Variants in HSD17B12 observed in about 807,000 individuals in gnomAD.
HSD17B12 encodes the protein very-long-chain 3-oxoacyl-CoA reductase.
HSD17B12 carries 32 observed loss-of-function variants against 39.3 expected under a neutral mutation model. That is an observed-to-expected ratio of 0.81 (90% CI 0.61 to 1.09). The LOEUF is 1.09. Ranked by LOEUF, HSD17B12 falls within the 50% of genes least tolerant of loss-of-function variation. HSD17B12 has a pLI of 0.00. For synonymous variants in HSD17B12, 150 were observed against 146.7 expected (o/e 1.02, Z -0.16); for missense variants, 342 against 382.9 (o/e 0.89, Z 0.89).
At chr11:43,674,325 G>A in the HSD17B12 span, among the ~76,000 whole-genome samples, 1 of 152,160 alleles carries the variant, frequency 6.6e-6, no homozygotes, top group Non-Finnish European at 1.5e-5. Context: ...AGCGACAAAG[G>A]ATTGTTGAAT....
rs1233940178 is a variant in HSD17B12 at position 43,840,009 on chromosome 11, AT to A, written c.632del (p.Phe211SerfsTer25). The A allele has an allele frequency of 6.2e-7, 1 of 1,612,028 alleles. No homozygotes were observed. Among genetic ancestry groups the A allele is most frequent in the Non-Finnish European group, 8.5e-7 (1 of 1,178,816 alleles). On this transcript the variant is annotated frameshift_variant, in exon 9 of 11. Transcript: ENST00000278353. LOFTEE classifies it high-confidence loss of function. ...TIYSATKTFV[D>X]FFSQCLHEEY... ...CCACTCCCCTCCCAGACTTTTGTAGATTTCTTCTCTCAGTGCCTCCATGAGG... is the reference window on the plus strand; with the variant it reads ...CCACTCCCCTCCCAGACTTTTGTAGATTCTTCTCTCAGTGCCTCCATGAGG...
chr11:43,841,319 C>T (rs1487342883), intron 9 of HSD17B12, among the ~76,000 whole-genome samples: 1 of 152,152 alleles, frequency 6.6e-6, no homozygotes, highest in African/African-American at 2.4e-5. Flanking sequence ...AGATTTTCTC[C>T]CACTTCGTGA....
At chr11:43,833,032 C>CAA (rs59191050) in intron 7 of HSD17B12, 289 of 123,396 alleles carry the variant, frequency 2.3e-3, no homozygotes, top group East Asian at 5.6e-3. Flanking sequence ...GACCCTGTCT[C>CAA]AAAAAAAAAA....
At chr11:43,837,454 C>T (rs950732163) in intron 7 of HSD17B12, among the ~76,000 whole-genome samples, 2 of 152,068 alleles carry the variant, frequency 1.3e-5, no homozygotes, top group African/African-American at 2.4e-5. Flanking sequence ...CACTCCTAAA[C>T]CATAATTCTA....
intron 1 of HSD17B12, among the ~76,000 whole-genome samples, chr11:43,704,687 A>G (rs1337715759): frequency 1.3e-5 from 2 of 152,220 alleles, no homozygotes; most frequent in African/African-American, 4.8e-5. Context: ...GTTCTGGACA[A>G]TGAGATATGA....
chr11:43,838,111 G>T, intron 7 of HSD17B12: 1 of 545,618 alleles, frequency 1.8e-6, no homozygotes, highest in Non-Finnish European at 3.3e-6. Context: ...TGAGCTAATC[G>T]TGAAGAAGAG....
chr11:43,622,799 T>C, the HSD17B12 span, among the ~76,000 whole-genome samples: 1 of 152,000 alleles, frequency 6.6e-6, no homozygotes, highest in African/African-American at 2.4e-5. Context: ...AATGAAGAAA[T>C]TAATCCCCTT....
At chr11:43,791,988 C>A (rs1312752161) in intron 3 of HSD17B12, among the ~76,000 whole-genome samples, 1 of 152,052 alleles carries the variant, frequency 6.6e-6, no homozygotes, top group Non-Finnish European at 1.5e-5. Flanking sequence ...GGAAATAGAC[C>A]ATTATTTGTG....
At chr11:43,565,439 C>G in the HSD17B12 span, among the ~76,000 whole-genome samples, 2 of 152,160 alleles carry the variant, frequency 1.3e-5, no homozygotes, top group Admixed American at 1.3e-4. Flanking sequence ...CTCTGCCTCC[C>G]CTAGCTGGTC....
the HSD17B12 span, among the ~76,000 whole-genome samples, chr11:43,662,608 G>C: frequency 6.6e-6 from 1 of 151,882 alleles, no homozygotes; most frequent in African/African-American, 2.4e-5. Context: ...GCTGAAATGA[G>C]ACTTAAAACA....
chr11:43,725,449 G>A (rs1878763), intron 1 of HSD17B12, among the ~76,000 whole-genome samples: 152,355 of 152,366 alleles, frequency 1, 76,172 homozygotes, highest in Non-Finnish European at 1. Context: ...TGCATATTCT[G>A]TAATGCTTTA....
upstream of HSD17B12, among the ~76,000 whole-genome samples, chr11:43,679,586 C>T (rs747775516): frequency 2.0e-5 from 3 of 152,070 alleles, no homozygotes; most frequent in Non-Finnish European, 4.4e-5. Context: ...CCTGGAAATA[C>T]CACTCCCCCA....
intron 6 of HSD17B12, among the ~76,000 whole-genome samples, chr11:43,828,353 G>C (rs1215655963): frequency 1.8e-5 from 1 of 56,800 alleles, no homozygotes; most frequent in African/African-American, 6.4e-5. Flanking sequence ...CGTTTTAGCC[G>C]GGATGGTCTC....
chr11:43,579,679 G>A, the HSD17B12 span, among the ~76,000 whole-genome samples: 1 of 152,094 alleles, frequency 6.6e-6, no homozygotes, highest in Non-Finnish European at 1.5e-5. Context: ...CGGCGGGCGC[G>A]CAGACGCTCG....
Position 43,812,181 on chromosome 11 carries a change from C to T in HSD17B12, c.392-3256C>T, listed in dbSNP as rs539608137. Among the ~76,000 whole-genome samples the T allele has an allele frequency of 2.7e-3, 412 of 152,186 alleles. 3 individuals carry two copies. The highest frequency in any genetic ancestry group is 9.5e-3 in the African/African-American group (394 of 41,524). ...ATTGTGAATGATGCTGCAATAAACACGGGGGTGCAGGTATCTATTTGATAT... is the reference window on the plus strand; with the variant it reads ...ATTGTGAATGATGCTGCAATAAACATGGGGGTGCAGGTATCTATTTGATAT... On this transcript the variant is annotated intron_variant, in intron 4 of 10. Transcript: ENST00000278353.
At chr11:43,708,788 A>G (rs1444245629) in intron 1 of HSD17B12, among the ~76,000 whole-genome samples, 1 of 152,240 alleles carries the variant, frequency 6.6e-6, no homozygotes, top group Non-Finnish European at 1.5e-5. Flanking sequence ...ATATTTGGCT[A>G]TTAGCCAATT....
chr11:43,711,038 C>G (rs1052762908), intron 1 of HSD17B12, among the ~76,000 whole-genome samples: 1 of 152,186 alleles, frequency 6.6e-6, no homozygotes, highest in African/African-American at 2.4e-5. Flanking sequence ...AGTGATCCAC[C>G]CACCTTAGCT....
chr11:43,589,819 C>T, the HSD17B12 span, among the ~76,000 whole-genome samples: 1 of 152,136 alleles, frequency 6.6e-6, no homozygotes, highest in African/African-American at 2.4e-5. Context: ...AGGTTTTTTG[C>T]CTAGTCCTGC....
chr11:43,738,210 C>CT (rs1387624451), intron 1 of HSD17B12, among the ~76,000 whole-genome samples: 2 of 151,866 alleles, frequency 1.3e-5, no homozygotes, highest in Non-Finnish European at 1.5e-5. Flanking sequence ...TCACTTGTCT[C>CT]TTTTTTTTCT....
Sources: allele counts gnomAD v4.1 joint callset (sites outside exome capture counted in the v4.1 genomes callset), GRCh38; gene constraint gnomAD v4.1.1; transcripts MANE v1.5; gene names NCBI Gene and HGNC (gene_info 2026-07-23, HGNC 2026-07-21).